PABPC4L: variants seen among roughly 807,000 people sequenced by gnomAD.
PABPC4L encodes the protein polyadenylate-binding protein 4-like.
For missense variants in PABPC4L, 452 were observed against 451.4 expected (o/e 1.00, Z -0.01); for synonymous variants, 169 against 164.1 (o/e 1.03, Z -0.23).
chr4:134,023,475 C>T, the PABPC4L span, among the ~76,000 whole-genome samples: 1 of 152,040 alleles, frequency 6.6e-6, no homozygotes. Flanking sequence ...TAAAAGTGGT[C>T]TTCTTTGATT....
the PABPC4L span, among the ~76,000 whole-genome samples, chr4:134,021,688 C>T: frequency 1.3e-5 from 2 of 152,114 alleles, no homozygotes; most frequent in Admixed American, 1.3e-4. Context: ...TGCTCCTTCA[C>T]ACCTACTTTA....
At chr4:134,021,550 C>T in the PABPC4L span, among the ~76,000 whole-genome samples, 1 of 152,052 alleles carries the variant, frequency 6.6e-6, no homozygotes, top group Non-Finnish European at 1.5e-5. Context: ...TACAGCTGTC[C>T]CAAGCTGTTA....
the PABPC4L span, among the ~76,000 whole-genome samples, chr4:134,010,864 C>G: frequency 3.3e-5 from 5 of 152,126 alleles, no homozygotes; most frequent in South Asian, 1.0e-3. Flanking sequence ...GAGAAATCAC[C>G]CAATCTCTGT....
chr4:134,063,818 A>C, the PABPC4L span, among the ~76,000 whole-genome samples: 1 of 152,016 alleles, frequency 6.6e-6, no homozygotes, highest in Non-Finnish European at 1.5e-5. Flanking sequence ...CTACTAATAA[A>C]TAAGTTATTT....
At chr4:134,178,682 G>A in the PABPC4L span, among the ~76,000 whole-genome samples, 5 of 152,100 alleles carry the variant, frequency 3.3e-5, no homozygotes, top group East Asian at 1.9e-4. Flanking sequence ...AAATCAAATG[G>A]TCATTATAAG....
At chr4:134,148,853 T>A in the PABPC4L span, among the ~76,000 whole-genome samples, 3 of 81,066 alleles carry the variant, frequency 3.7e-5, no homozygotes, top group East Asian at 0.017. Context: ...ATTAGTTGAA[T>A]GAATAATTTT....
the PABPC4L span, among the ~76,000 whole-genome samples, chr4:133,948,609 A>C: frequency 6.6e-6 from 1 of 152,338 alleles, no homozygotes; most frequent in South Asian, 2.1e-4. Flanking sequence ...AAGGTGGGAA[A>C]GAGCAATGAT....
At chr4:134,084,501 T>TA in the PABPC4L span, among the ~76,000 whole-genome samples, 862 of 151,934 alleles carry the variant, frequency 5.7e-3, 12 homozygotes, top group African/African-American at 0.018. Flanking sequence ...GATTTTTTTT[T>TA]AAAAAAAAGA....
chr4:133,984,222 A>T, the PABPC4L span, among the ~76,000 whole-genome samples: 2,481 of 151,996 alleles, frequency 0.016, 75 homozygotes, highest in African/African-American at 0.056. Context: ...AAGATGTGTT[A>T]AATTAAAACA....
the PABPC4L span, among the ~76,000 whole-genome samples, chr4:133,953,156 T>C: frequency 2.0e-5 from 3 of 152,244 alleles, no homozygotes; most frequent in Non-Finnish European, 2.9e-5. Flanking sequence ...CCAGACATTC[T>C]CTCTTAAAAT....
chr4:134,114,101 C>T, the PABPC4L span, among the ~76,000 whole-genome samples: 3 of 151,510 alleles, frequency 2.0e-5, no homozygotes, highest in African/African-American at 7.2e-5. Context: ...CTGCTTGAAA[C>T]GGGGTGAATA....
the PABPC4L span, among the ~76,000 whole-genome samples, chr4:134,016,173 G>A: frequency 4.4e-4 from 67 of 152,132 alleles, no homozygotes; most frequent in East Asian, 0.01. Context: ...AGTATCTTCC[G>A]CATCTGTCAT....
chr4:133,992,793 G>C, the PABPC4L span, among the ~76,000 whole-genome samples: 3 of 152,274 alleles, frequency 2.0e-5, no homozygotes, highest in East Asian at 5.8e-4. Flanking sequence ...AATGGTGAAT[G>C]GTGTCTGTAT....
the PABPC4L span, among the ~76,000 whole-genome samples, chr4:134,141,215 C>T: frequency 1.3e-5 from 2 of 151,488 alleles, no homozygotes; most frequent in African/African-American, 4.8e-5. Context: ...TCATGCAGTT[C>T]CAAAAGAACC....
At chr4:134,067,160 C>T in the PABPC4L span, among the ~76,000 whole-genome samples, 1 of 151,938 alleles carries the variant, frequency 6.6e-6, no homozygotes, top group Admixed American at 6.6e-5. Context: ...TGAATTTGAT[C>T]CTGAACTTTT....
chr4:134,034,658 A>G, the PABPC4L span, among the ~76,000 whole-genome samples: 2 of 152,108 alleles, frequency 1.3e-5, no homozygotes, highest in East Asian at 3.9e-4. Context: ...GGAGGAAGTA[A>G]GTGCAGATGT....
the PABPC4L span, among the ~76,000 whole-genome samples, chr4:134,057,056 A>G: frequency 2.0e-5 from 3 of 152,004 alleles, no homozygotes; most frequent in Admixed American, 2.0e-4. Context: ...AGTTATCTCC[A>G]TTCCTATTTT....
At chr4:134,094,892 G>T in the PABPC4L span, among the ~76,000 whole-genome samples, 1 of 151,590 alleles carries the variant, frequency 6.6e-6, no homozygotes, top group African/African-American at 2.4e-5. Context: ...TCTTCTGTAT[G>T]TTCTTTTATT....
rs1729677129 is a variant in PABPC4L at position 134,196,921 on chromosome 4, G to T, written c.*2986C>A. The stretch of plus-strand genomic sequence containing the variant: ...AATTCATCTAGACATCTGATGTTAT[G>T]TCCTATTAACTACTTACATACATGA... On this transcript the variant is annotated 3_prime_UTR_variant, in exon 2 of 2. Transcript: ENST00000421491. 1 of 151,294 alleles carries T rather than the reference G, an allele frequency of 6.6e-6. No homozygotes were observed. Among genetic ancestry groups the T allele is most frequent in the Non-Finnish European group, 1.5e-5 (1 of 67,560 alleles). 9.4% of individuals were successfully genotyped at this position (151,294 alleles called of 1,614,324 possible).
Sources: allele counts gnomAD v4.1 joint callset (sites outside exome capture counted in the v4.1 genomes callset), GRCh38; gene constraint gnomAD v4.1.1; transcripts MANE v1.5; gene names NCBI Gene and HGNC (gene_info 2026-07-23, HGNC 2026-07-21).